PCDHA2: variants seen among roughly 807,000 people sequenced by gnomAD.
The protein encoded by PCDHA2 is protocadherin alpha 2.
PCDHA2 carries 58 observed loss-of-function variants against 66.0 expected under a neutral mutation model. The observed-to-expected ratio is 0.88, with a 90% confidence interval of 0.71 to 1.09. The LOEUF is 1.09. PCDHA2 is among the 50% of genes least tolerant of loss of function. The probability of loss-of-function intolerance (pLI) is 0.00; values close to 1 mark genes in which losing one functional copy is unlikely to be tolerated. For missense variants in PCDHA2, 1,267 were observed against 1,242.3 expected (o/e 1.02, Z -0.30); for synonymous variants, 634 against 554.0 (o/e 1.14, Z -2.03).
intron 1 of PCDHA2, among the ~76,000 whole-genome samples, chr5:140,960,147 T>C (rs2095529138): frequency 6.6e-6 from 1 of 152,322 alleles, no homozygotes; most frequent in Admixed American, 6.5e-5. Context: ...TATTAATAGC[T>C]TGAGACTGAT....
In PCDHA2 at chr5:140,802,602, C is replaced by G. The variant is rs782651284; in HGVS notation, c.2388+5250C>G. 3 of 1,613,958 alleles carry G rather than the reference C, an allele frequency of 1.9e-6. No individual in the cohort carries two copies. The East Asian group carries it at 6.7e-5, about 36-fold the overall frequency. On this transcript the variant is annotated intron_variant, in intron 1 of 3. Transcript: ENST00000526136. Reference sequence around the variant, plus strand: ...CACGGTGTTCGTGAAGGAGAACAACCCGCCGGGCTGCCACATCTTCACGGT... The same window carrying G: ...CACGGTGTTCGTGAAGGAGAACAACGCGCCGGGCTGCCACATCTTCACGGT...
chr5:140,858,341 G>A, intron 1 of PCDHA2: 1 of 1,595,396 alleles, frequency 6.3e-7, no homozygotes, highest in Non-Finnish European at 8.6e-7. Context: ...CCTGCCCAAG[G>A]CGGACCTCAT....
chr5:140,976,798 A>G (rs571590033), intron 1 of PCDHA2, among the ~76,000 whole-genome samples: 169 of 152,368 alleles, frequency 1.1e-3, no homozygotes, highest in Admixed American at 1.8e-3. Context: ...GCTTTTATGA[A>G]TATCTGAAGA....
At chr5:141,001,289 TGAGGCCCA>T (rs1387793441) in intron 3 of PCDHA2, among the ~76,000 whole-genome samples, 1 of 152,150 alleles carries the variant, frequency 6.6e-6, no homozygotes, top group Non-Finnish European at 1.5e-5. Context: ...GGATGAAAAC[TGAGGCCCA>T]GAGATATGAA....
chr5:140,852,387 C>T (rs1288868596), intron 1 of PCDHA2: 3 of 184,816 alleles, frequency 1.6e-5, no homozygotes, highest in African/African-American at 4.9e-5. Context: ...AAGCAATTCT[C>T]CTGCCTCAGC....
chr5:140,930,358 T>A (rs1253370170), intron 1 of PCDHA2: 1 of 152,216 alleles, frequency 6.6e-6, no homozygotes, highest in African/African-American at 2.4e-5. Context: ...AATATTTCAA[T>A]TTATCTGTTA....
rs149711844 is a variant in PCDHA2 at position 140,884,286 on chromosome 5, G to T, written c.2388+86934G>T. On this transcript the variant is annotated intron_variant, in intron 1 of 3. Coordinates refer to ENST00000526136, the MANE Select transcript of PCDHA2 (RefSeq NM_018905.3). ...GTGCTGTTGTCGCTGGTGGAGAGCG[G>T]CCAAGCGCCACAGGCTTCGTCGAGG... 1.6e-4 allele frequency: 258 copies of T among 1,613,626 alleles called. No individual in the cohort carries two copies. The highest frequency in any genetic ancestry group is 2.1e-4 in the Non-Finnish European group (242 of 1,179,820).
intron 1 of PCDHA2, chr5:140,803,789 T>C: frequency 1.2e-6 from 1 of 835,778 alleles, no homozygotes. Flanking sequence ...TAAGTTATGA[T>C]ATCCACACTT....
Position 140,796,735 on chromosome 5 carries a change from G to A in PCDHA2, c.1771G>A (p.Val591Met). The A allele has an allele frequency of 6.2e-7, 1 of 1,614,112 alleles. No individual in the cohort carries two copies. The highest frequency in any genetic ancestry group is 8.5e-7 in the Non-Finnish European group (1 of 1,179,962). Reference sequence around the variant, plus strand: ...GTGGTCGGTGGGTGCAGGGCACGTGGTGGCGAAGGTGCGCGCAGTGGACGC... The same window carrying A: ...GTGGTCGGTGGGTGCAGGGCACGTGATGGCGAAGGTGCGCGCAGTGGACGC... ...VPWSVGAGHV[V>M]AKVRAVDADS... The change falls in exon 1 of 4, where the codon GTG becomes ATG. Residue 591 changes from valine (V) to methionine (M), a missense_variant. By Grantham distance (21) the Val-to-Met change is conservative. Coordinates refer to ENST00000526136, the MANE Select transcript of PCDHA2 (RefSeq NM_018905.3).
chr5:140,982,843 A>G (rs782122104), intron 3 of PCDHA2, among the ~76,000 whole-genome samples: 1 of 152,090 alleles, frequency 6.6e-6, no homozygotes, highest in Non-Finnish European at 1.5e-5. Flanking sequence ...GTTTGTTTAA[A>G]TCAGGTACCT....
chr5:140,956,878 A>G (rs890203275), intron 1 of PCDHA2, among the ~76,000 whole-genome samples: 4 of 152,188 alleles, frequency 2.6e-5, no homozygotes, highest in Admixed American at 2.6e-4. Context: ...GAAAAGTTAG[A>G]TATCAATGAA....
intron 1 of PCDHA2, among the ~76,000 whole-genome samples, chr5:140,906,473 A>G (rs2072671241): frequency 6.6e-6 from 1 of 152,214 alleles, no homozygotes. Flanking sequence ...TCTTAGTACA[A>G]ATGTATAAAT....
chr5:140,898,671 G>A lies in PCDHA2; in HGVS notation c.2389-80278G>A, dbSNP rs1419362877. 2.2e-4 allele frequency among the ~76,000 whole-genome samples: 33 copies of A among 152,200 alleles called. No homozygotes were observed. The East Asian group carries it at 2.3e-3, about 11-fold the overall frequency. On this transcript the variant is annotated intron_variant, in intron 1 of 3. Transcript: ENST00000526136. ...TGGCTTAGGATTGACTTGGTGTTGCGGGCTGTTTTTTGGTTCCATATGAAC... is the reference window on the plus strand; with the variant it reads ...TGGCTTAGGATTGACTTGGTGTTGCAGGCTGTTTTTTGGTTCCATATGAAC...
At position 140,796,664 on chromosome 5, in the gene PCDHA2, C is replaced by T. The variant is rs782594473; in HGVS notation, c.1700C>T (p.Ala567Val). ...DENDNAPALL[A>V]PRAGTAAGAV... ...AACGACAACGCGCCGGCACTGTTGG[C>T]GCCTAGGGCTGGCACCGCTGCTGGC... Residue 567 changes from alanine (A) to valine (V), a missense_variant, in exon 1 of 4, where the codon GCG becomes GTG. Coordinates refer to ENST00000526136, the MANE Select transcript of PCDHA2 (RefSeq NM_018905.3). 3 of 1,613,850 alleles carry T rather than the reference C, an allele frequency of 1.9e-6. No homozygotes were observed. The highest frequency in any genetic ancestry group is 1.7e-4 in the Middle Eastern group (1 of 6,044).
chr5:140,968,326 C>G (rs1554230623), intron 1 of PCDHA2: 1 of 1,614,058 alleles, frequency 6.2e-7, no homozygotes, highest in Non-Finnish European at 8.5e-7. Context: ...CAGTCACCTC[C>G]TATGTCTCCA....
chr5:140,801,700 T>A, intron 1 of PCDHA2: 1 of 1,614,224 alleles, frequency 6.2e-7, no homozygotes, highest in Non-Finnish European at 8.5e-7. Context: ...AATTCGTTGT[T>A]GACTTACAGT....
intron 1 of PCDHA2, among the ~76,000 whole-genome samples, chr5:140,885,554 A>G (rs1025656025): frequency 5.3e-5 from 8 of 152,140 alleles, no homozygotes; most frequent in African/African-American, 1.9e-4. Context: ...TGTTATTTCT[A>G]CGAAATTGAT....
At chr5:140,950,458 A>G (rs568340492) in intron 1 of PCDHA2, among the ~76,000 whole-genome samples, 5 of 152,142 alleles carry the variant, frequency 3.3e-5, no homozygotes, top group Admixed American at 2.6e-4. Flanking sequence ...CTGTCTTCTA[A>G]TGCTCATAGT....
intron 1 of PCDHA2, among the ~76,000 whole-genome samples, chr5:140,894,543 T>C (rs782418710): frequency 2.6e-5 from 4 of 152,088 alleles, no homozygotes; most frequent in Non-Finnish European, 4.4e-5. Flanking sequence ...TCTGGTTTAG[T>C]GTTTACTTCT....
Sources: allele counts gnomAD v4.1 joint callset (sites outside exome capture counted in the v4.1 genomes callset), GRCh38; gene constraint gnomAD v4.1.1; transcripts MANE v1.5; gene names NCBI Gene and HGNC (gene_info 2026-07-23, HGNC 2026-07-21).